PTPRQ: variants seen among roughly 807,000 people sequenced by gnomAD.
PTPRQ encodes protein tyrosine phosphatase receptor type Q.
A neutral mutation model predicts 246.0 loss-of-function variants in PTPRQ; 199 were observed. The observed-to-expected ratio is 0.81, with a 90% confidence interval of 0.72 to 0.91. The LOEUF (loss-of-function observed/expected upper bound fraction) is 0.91, where lower values mean the gene tolerates loss of function less well. Ranked by LOEUF, PTPRQ falls within the 40% of genes least tolerant of loss-of-function variation. The probability of loss-of-function intolerance (pLI) is 0.00; values close to 1 mark genes in which losing one functional copy is unlikely to be tolerated. For synonymous variants in PTPRQ, 869 were observed against 853.2 expected (o/e 1.02, Z -0.32); for missense variants, 2,624 against 2,528.4 (o/e 1.04, Z -0.81).
intron 25 of PTPRQ, among the ~76,000 whole-genome samples, chr12:80,559,524 C>G (rs1378560448): frequency 2.6e-5 from 4 of 152,112 alleles, no homozygotes; most frequent in Non-Finnish European, 5.9e-5. Flanking sequence ...TCTTTTGAAG[C>G]TTAGTATGTT....
intron 8 of PTPRQ, among the ~76,000 whole-genome samples, chr12:80,475,257 G>A (rs1159077258): frequency 1.3e-5 from 2 of 152,128 alleles, no homozygotes; most frequent in South Asian, 2.1e-4. Flanking sequence ...GGTAGTCCAT[G>A]TATATAACAC....
intron 39 of PTPRQ, among the ~76,000 whole-genome samples, chr12:80,663,042 T>C (rs1900681056): frequency 6.6e-6 from 1 of 151,870 alleles, no homozygotes; most frequent in African/African-American, 2.4e-5. Context: ...AAATTAGCCA[T>C]TACAGGAAGA....
At chr12:80,455,551 A>G (rs987541404) in intron 3 of PTPRQ, among the ~76,000 whole-genome samples, 9 of 150,246 alleles carry the variant, frequency 6.0e-5, no homozygotes, top group African/African-American at 2.0e-4. Context: ...AACATTTACT[A>G]TTTCTTTTGC....
chr12:80,632,409 TAGAC>T, intron 34 of PTPRQ, 118 bp downstream of exon 34: 1 of 1,363,546 alleles, frequency 7.3e-7, no homozygotes, highest in South Asian at 1.4e-5. Context: ...TTATTTTTAA[TAGAC>T]AGATAAAAAT....
At chr12:80,501,061 C>A (rs7976516) in intron 14 of PTPRQ, among the ~76,000 whole-genome samples, 1 of 151,482 alleles carries the variant, frequency 6.6e-6, no homozygotes, top group East Asian at 1.9e-4. Flanking sequence ...AGAGGAAGAA[C>A]AGCAATTGCC....
Position 80,542,235 on chromosome 12 carries a change from A to G in PTPRQ, c.3592A>G (p.Ile1198Val). Residue 1198 changes from isoleucine (I) to valine (V), a missense_variant, in exon 22 of 45, where the codon ATT becomes GTT. Ile to Val is a conservative substitution (Grantham distance 29, BLOSUM62 3). Coordinates refer to ENST00000644991, the MANE Select transcript of PTPRQ (RefSeq NM_001145026.2). ...AGGACCAAATGAAAATTATTCTTTCATTACTTCTGATAATTACATAATATT... is the reference window on the plus strand; with the variant it reads ...AGGACCAAATGAAAATTATTCTTTCGTTACTTCTGATAATTACATAATATT... ...LQGPNENYSF[I>V]TSDNYIILEE... The G allele has an allele frequency of 2.6e-6, 4 of 1,550,912 alleles. No individual in the cohort carries two copies. Among genetic ancestry groups the G allele is most frequent in the Non-Finnish European group, 3.5e-6 (4 of 1,146,502 alleles).
intron 17 of PTPRQ, among the ~76,000 whole-genome samples, chr12:80,521,581 G>A (rs1168296287): frequency 1.3e-5 from 2 of 152,114 alleles, no homozygotes; most frequent in Admixed American, 1.3e-4. Flanking sequence ...TTCTACATAT[G>A]GCTAGCCAGT....
intron 6 of PTPRQ, among the ~76,000 whole-genome samples, chr12:80,467,870 G>C (rs1893487154): frequency 6.6e-6 from 1 of 152,108 alleles, no homozygotes; most frequent in Admixed American, 6.6e-5. Flanking sequence ...GGTGGGGGCA[G>C]GGGGGAGGTA....
intron 26 of PTPRQ, among the ~76,000 whole-genome samples, chr12:80,602,763 C>A (rs894082510): frequency 6.6e-6 from 1 of 151,698 alleles, no homozygotes; most frequent in Non-Finnish European, 1.5e-5. Flanking sequence ...CATCTTATAG[C>A]TCTCTAGTAT....
intron 33 of PTPRQ, among the ~76,000 whole-genome samples, chr12:80,625,137 T>C (rs2121147176): frequency 6.6e-6 from 1 of 152,266 alleles, no homozygotes; most frequent in Middle Eastern, 3.4e-3. Context: ...GGTTTCATGG[T>C]TGTGAGAATG....
chr12:80,459,116 A>G (rs1291552780), intron 4 of PTPRQ, among the ~76,000 whole-genome samples, 168 bp from the exon 5 acceptor site: 1 of 152,202 alleles, frequency 6.6e-6, no homozygotes, highest in East Asian at 1.9e-4. Context: ...CCCCAACTCC[A>G]GTTTTTTATT....
At chr12:80,672,266 T>A (rs1447189968) in intron 42 of PTPRQ, among the ~76,000 whole-genome samples, 1 of 151,650 alleles carries the variant, frequency 6.6e-6, no homozygotes, top group Non-Finnish European at 1.5e-5. Flanking sequence ...CAGAACAGTG[T>A]TTGACACTCA....
At chr12:80,559,290 C>A (rs780565790) in intron 25 of PTPRQ, among the ~76,000 whole-genome samples, 2 of 152,198 alleles carry the variant, frequency 1.3e-5, no homozygotes, top group African/African-American at 2.4e-5. Context: ...GTGATCCGCC[C>A]ACCTCGGCCT....
chr12:80,634,972 C>T lies in PTPRQ; in HGVS notation c.5814C>T (p.Gly1938=), dbSNP rs377249620. 7.7e-5 allele frequency: 119 copies of T among 1,550,740 alleles called. 1 individual carries two copies. In the African/African-American group the frequency reaches 1.4e-3, roughly 18 times the overall value. ...ARIRQKQKEG[G]TYSPQDAEII... ...TTCGACAGAAGCAGAAAGAAGGTGG[C>T]ACATACTCTCCTCAGGATGCAGAAA... Residue 1938 remains glycine, a synonymous_variant, in exon 35 of 45, where the codon GGC becomes GGT. Coordinates refer to ENST00000644991, the MANE Select transcript of PTPRQ (RefSeq NM_001145026.2).
intron 40 of PTPRQ, 89 bp downstream of exon 40, chr12:80,669,230 A>G (rs898621512): frequency 1.3e-6 from 2 of 1,528,402 alleles, no homozygotes; most frequent in African/African-American, 2.8e-5. Flanking sequence ...TGAGTCATCA[A>G]TAACCTGGAC....
intron 17 of PTPRQ, among the ~76,000 whole-genome samples, chr12:80,521,769 T>G (rs1015561826): frequency 2.0e-5 from 3 of 152,220 alleles, no homozygotes; most frequent in Non-Finnish European, 1.5e-5. Flanking sequence ...ACAGTAGCCT[T>G]GTAGTATAGT....
intron 34 of PTPRQ, 29 bp from the exon 35 acceptor site, chr12:80,634,916 C>A (rs760352367): frequency 1.3e-6 from 2 of 1,545,788 alleles, no homozygotes; most frequent in South Asian, 2.4e-5. Context: ...GTGAAACTCC[C>A]TTCTTGGACT....
chr12:80,521,496 G>C (rs1021271309), intron 17 of PTPRQ, among the ~76,000 whole-genome samples: 2 of 152,156 alleles, frequency 1.3e-5, no homozygotes, highest in Non-Finnish European at 2.9e-5. Context: ...ATGGTTTTAG[G>C]TCTGACATTT....
At chr12:80,529,600 A>C (rs1046409380) in intron 17 of PTPRQ, among the ~76,000 whole-genome samples, 10 of 152,286 alleles carry the variant, frequency 6.6e-5, no homozygotes, top group Admixed American at 6.5e-5. Flanking sequence ...AGAAATTGGT[A>C]AAGCAAATTA....
Sources: allele counts gnomAD v4.1 joint callset (sites outside exome capture counted in the v4.1 genomes callset), GRCh38; gene constraint gnomAD v4.1.1; transcripts MANE v1.5; gene names NCBI Gene and HGNC (gene_info 2026-07-23, HGNC 2026-07-21).